The following PPP4R2 variants were observed in gnomAD, a reference collection of about 807,000 sequenced individuals.
The protein encoded by PPP4R2 is protein phosphatase 4 regulatory subunit 2.
PPP4R2 carries 13 observed loss-of-function variants against 47.2 expected under a neutral mutation model. The ratio of observed to expected loss-of-function variants is 0.28; its 90% CI spans 0.18 to 0.44. PPP4R2 has a LOEUF of 0.44. Among genes scored for constraint, PPP4R2 ranks in the 20% least tolerant of loss-of-function variants. PPP4R2 has a pLI of 1.00. For missense variants in PPP4R2, 421 were observed against 491.2 expected (o/e 0.86, Z 1.35); for synonymous variants, 151 against 163.3 (o/e 0.92, Z 0.57).
chr3:73,034,216 C>T (rs1462036941), intron 2 of PPP4R2, among the ~76,000 whole-genome samples: 3 of 152,144 alleles, frequency 2.0e-5, no homozygotes, highest in Non-Finnish European at 4.4e-5. Context: ...CTGATTACTT[C>T]CCTCCTTTTT....
chr3:73,006,344 G>A lies in PPP4R2; in HGVS notation c.116+8186G>A, dbSNP rs59682282. On this transcript the variant is annotated intron_variant, in intron 2 of 8. Coordinates refer to ENST00000356692, the MANE Select transcript of PPP4R2 (RefSeq NM_174907.4). ...CTCCCTGGTAGCTGGGGCCACAGGCGCGCGCCACCATGCCTGGCTAGTTTT... is the reference window on the plus strand; with the variant it reads ...CTCCCTGGTAGCTGGGGCCACAGGCACGCGCCACCATGCCTGGCTAGTTTT... Among the ~76,000 whole-genome samples the A allele has an allele frequency of 6.9e-3, 1,046 of 151,804 alleles. 10 individuals carry two copies. Among genetic ancestry groups the A allele is most frequent in the African/African-American group, 0.024 (982 of 41,350 alleles).
Position 73,065,483 on chromosome 3 carries a change from A to C in PPP4R2, c.1015A>C (p.Thr339Pro). Residue 339 changes from threonine (T) to proline (P), a missense_variant, in exon 9 of 9, where the codon ACT becomes CCT. Around this residue, in one of 2 missense-constraint regions of PPP4R2, gnomAD observed 317 missense variants for 287.5 expected, o/e 1.10. Coordinates refer to ENST00000356692, the MANE Select transcript of PPP4R2 (RefSeq NM_174907.4). ...SDDALTVNEE[T>P]SEENNQMEES... Reference sequence around the variant, plus strand: ...TGATGCCTTAACTGTGAATGAAGAGACTTCTGAGGAAAATAATCAAATGGA... The same window carrying C: ...TGATGCCTTAACTGTGAATGAAGAGCCTTCTGAGGAAAATAATCAAATGGA... 1 of 1,611,832 alleles carries C rather than the reference A, an allele frequency of 6.2e-7. No individual in the cohort carries two copies. The highest frequency in any genetic ancestry group is 2.2e-5 in the East Asian group (1 of 44,850).
chr3:73,038,285 A>G (rs560263905), intron 2 of PPP4R2, among the ~76,000 whole-genome samples: 2 of 152,350 alleles, frequency 1.3e-5, no homozygotes, highest in East Asian at 3.9e-4. Flanking sequence ...CCGTGCTGTT[A>G]GAAGAGTCAT....
intron 3 of PPP4R2, among the ~76,000 whole-genome samples, chr3:73,049,065 A>G (rs537941447): frequency 3.3e-5 from 5 of 152,322 alleles, no homozygotes. Context: ...GTATATTTCC[A>G]TATCAATATT....
intron 3 of PPP4R2, 35 bp from the exon 4 acceptor site, chr3:73,059,002 G>T (rs769215057): frequency 1.6e-6 from 2 of 1,235,396 alleles, no homozygotes; most frequent in South Asian, 2.6e-5. Context: ...TTGATTATCA[G>T]TGATCTCACA....
intron 8 of PPP4R2, 84 bp downstream of exon 8, chr3:73,065,225 G>C: frequency 7.2e-7 from 1 of 1,384,842 alleles, no homozygotes; most frequent in Admixed American, 2.7e-5. Context: ...AGAATTTTAC[G>C]TAATGGAACT....
At chr3:73,014,561 G>A (rs925689310) in intron 2 of PPP4R2, among the ~76,000 whole-genome samples, 1 of 152,154 alleles carries the variant, frequency 6.6e-6, no homozygotes, top group African/African-American at 2.4e-5. Flanking sequence ...GCCTCCCAAA[G>A]TGCTGGGATT....
chr3:73,063,596 T>G (rs548893797), intron 5 of PPP4R2, 77 bp from the exon 6 acceptor site: 2 of 816,296 alleles, frequency 2.5e-6, no homozygotes, highest in Middle Eastern at 3.5e-4. Context: ...TGCACTCCAT[T>G]CCACCTTGGG....
At chr3:73,063,186 T>C in intron 5 of PPP4R2, 1 of 427,050 alleles carries the variant, frequency 2.3e-6, no homozygotes, top group Non-Finnish European at 4.4e-6. Flanking sequence ...TTAAAGCTCC[T>C]GATGTTATAC....
Position 73,021,283 on chromosome 3 carries a change from G to A in PPP4R2, c.116+23125G>A, listed in dbSNP as rs1269107166. Reference sequence around the variant, plus strand: ...GATCTTACTGTTTCACCCAGGCTGGGGGTGCAGTGGCAAGATCACTACTCA... The same window carrying A: ...GATCTTACTGTTTCACCCAGGCTGGAGGTGCAGTGGCAAGATCACTACTCA... On this transcript the variant is annotated intron_variant, in intron 2 of 8. Coordinates refer to ENST00000356692, the MANE Select transcript of PPP4R2 (RefSeq NM_174907.4). Among the ~76,000 whole-genome samples the A allele has an allele frequency of 2.6e-5, 4 of 151,336 alleles. No homozygotes were observed. In the East Asian group the frequency reaches 5.8e-4, roughly 22 times the overall value.
At chr3:73,019,365 T>C (rs1199986157) in intron 2 of PPP4R2, among the ~76,000 whole-genome samples, 2 of 152,136 alleles carry the variant, frequency 1.3e-5, no homozygotes, top group African/African-American at 4.8e-5. Flanking sequence ...ACAAAGGAAC[T>C]ATTATTTTAT....
chr3:73,015,594 G>C (rs9827068), intron 2 of PPP4R2, among the ~76,000 whole-genome samples: 57,768 of 149,330 alleles, frequency 0.39, 11,507 homozygotes, highest in African/African-American at 0.44. Context: ...TTCTACCTCA[G>C]CCTCTCGATT....
intron 2 of PPP4R2, among the ~76,000 whole-genome samples, chr3:73,032,673 G>C (rs953018429): frequency 6.6e-6 from 1 of 152,038 alleles, no homozygotes; most frequent in Non-Finnish European, 1.5e-5. Flanking sequence ...CTTAATGTCT[G>C]ATTTCTTAGT....
intron 3 of PPP4R2, among the ~76,000 whole-genome samples, chr3:73,055,960 C>G (rs1446334232): frequency 6.6e-6 from 1 of 152,052 alleles, no homozygotes; most frequent in African/African-American, 2.4e-5. Flanking sequence ...ATCACCACTT[C>G]CCCCCAAATT....
rs1383056892 is a variant in PPP4R2 at position 73,016,740 on chromosome 3, TTA to T, written c.116+18584_116+18585del. 1.1e-4 allele frequency among the ~76,000 whole-genome samples: 12 copies of T among 105,258 alleles called. 2 individuals are homozygous for T. Among genetic ancestry groups the T allele is most frequent in the South Asian group, 9.9e-4 (3 of 3,038 alleles). The allele number at this position is 105,258 out of a possible 152,430, so 69.1% of individuals were successfully genotyped here. ...TTTATTGGTTCATTGTTTATTTTTA[TTA>T]TTTTTTTTTTTTAATACAGAGTCTC... On this transcript the variant is annotated intron_variant, in intron 2 of 8. Coordinates refer to ENST00000356692, the MANE Select transcript of PPP4R2 (RefSeq NM_174907.4).
intron 2 of PPP4R2, among the ~76,000 whole-genome samples, chr3:73,004,448 A>G (rs9854550): frequency 0.33 from 50,034 of 152,054 alleles, 8,765 homozygotes; most frequent in Non-Finnish European, 0.4. Context: ...TCCCCCCAGT[A>G]AAACTGTTAA....
At position 72,996,874 on chromosome 3, in the gene PPP4R2, C is replaced by G. The variant is rs552451466; in HGVS notation, c.-164C>G. Reference sequence around the variant, plus strand: ...AGGTGCTCGCTCTGTCGGTCTTGCTCTCTCGCACGCTTCCCCCGGCTCCCT... The same window carrying G: ...AGGTGCTCGCTCTGTCGGTCTTGCTGTCTCGCACGCTTCCCCCGGCTCCCT... On this transcript the variant is annotated 5_prime_UTR_variant, in exon 1 of 9. Transcript: ENST00000356692. 11 of 430,316 alleles carry G rather than the reference C, an allele frequency of 2.6e-5. No individual in the cohort carries two copies. The East Asian group carries it at 3.6e-4, about 14-fold the overall frequency. The allele number at this position is 430,316 out of a possible 1,614,324, so 26.7% of individuals were successfully genotyped here.
At chr3:73,036,582 CG>C (rs1405160075) in intron 2 of PPP4R2, among the ~76,000 whole-genome samples, 2 of 152,160 alleles carry the variant, frequency 1.3e-5, no homozygotes, top group Admixed American at 1.3e-4. Context: ...TCCCAGGAAG[CG>C]TTAATTCATT....
intron 2 of PPP4R2, among the ~76,000 whole-genome samples, chr3:73,045,462 A>AT (rs1166886409): frequency 4.0e-5 from 6 of 150,600 alleles, no homozygotes; most frequent in Non-Finnish European, 7.4e-5. Flanking sequence ...ACTGTCAGTT[A>AT]TTTATCTTGA....
Sources: allele counts gnomAD v4.1 joint callset (sites outside exome capture counted in the v4.1 genomes callset), GRCh38; gene constraint gnomAD v4.1.1; regional missense constraint gnomAD v4.1.1; transcripts MANE v1.5; gene names NCBI Gene and HGNC (gene_info 2026-07-23, HGNC 2026-07-21).